The following PTPRO variants were observed in gnomAD, a reference collection of about 807,000 sequenced individuals.
PTPRO encodes receptor-type tyrosine-protein phosphatase O.
A neutral mutation model predicts 145.2 loss-of-function variants in PTPRO; 62 were observed. That is an observed-to-expected ratio of 0.43 (90% CI 0.35 to 0.53). The LOEUF is 0.53. PTPRO is among the 20% of genes least tolerant of loss of function. PTPRO has a pLI of 0.01. For synonymous variants in PTPRO, 565 were observed against 514.7 expected (o/e 1.10, Z -1.32); for missense variants, 1,345 against 1,482.7 (o/e 0.91, Z 1.53).
intron 1 of PTPRO, among the ~76,000 whole-genome samples, chr12:15,354,493 C>T (rs527571759): frequency 4.8e-4 from 73 of 151,970 alleles, no homozygotes; most frequent in Non-Finnish European, 6.0e-4. Context: ...TTTTGAAATC[C>T]ATCTATAGTT....
At chr12:15,546,814 G>C (rs938538721) in intron 13 of PTPRO, 106 bp downstream of exon 13, 1 of 1,474,348 alleles carries the variant, frequency 6.8e-7, no homozygotes, top group African/African-American at 1.4e-5. Flanking sequence ...AATGAAAACT[G>C]TTTATTTGCT....
chr12:15,583,553 T>C (rs1051274866), intron 23 of PTPRO, among the ~76,000 whole-genome samples: 6 of 152,150 alleles, frequency 3.9e-5, no homozygotes, highest in African/African-American at 7.2e-5. Flanking sequence ...ATGTAAATTA[T>C]GTGAAATTCA....
chr12:15,381,340 T>A (rs1414701358), intron 1 of PTPRO, among the ~76,000 whole-genome samples: 1 of 152,206 alleles, frequency 6.6e-6, no homozygotes, highest in Non-Finnish European at 1.5e-5. Context: ...AATAATGGTT[T>A]CTCTCAATGT....
intron 1 of PTPRO, among the ~76,000 whole-genome samples, chr12:15,478,732 C>T (rs1316077552): frequency 6.6e-6 from 1 of 151,962 alleles, no homozygotes; most frequent in Non-Finnish European, 1.5e-5. Context: ...AGTGCAGTGG[C>T]GCGATATCGG....
chr12:15,443,469 C>T (rs1565632476), intron 1 of PTPRO, among the ~76,000 whole-genome samples: 1 of 151,986 alleles, frequency 6.6e-6, no homozygotes, highest in Admixed American at 6.6e-5. Context: ...TTCTCAAAAG[C>T]AATTTTAACA....
chr12:15,490,102 A>G (rs1941969467), intron 2 of PTPRO, among the ~76,000 whole-genome samples: 2 of 152,234 alleles, frequency 1.3e-5, no homozygotes. Flanking sequence ...GAAATTACAT[A>G]ATAGGATTTG....
intron 1 of PTPRO, among the ~76,000 whole-genome samples, chr12:15,482,179 A>G (rs1048456937): frequency 2.7e-5 from 4 of 150,860 alleles, no homozygotes; most frequent in African/African-American, 9.7e-5. Flanking sequence ...ATATATATAT[A>G]TGTGTGTGTG....
chr12:15,565,981 G>A (rs555149308), intron 18 of PTPRO, among the ~76,000 whole-genome samples: 1 of 152,202 alleles, frequency 6.6e-6, no homozygotes, highest in East Asian at 1.9e-4. Context: ...AATCCTTTTA[G>A]TATTTTGAAA....
At chr12:15,582,357 C>A (rs1022646950) in intron 23 of PTPRO, among the ~76,000 whole-genome samples, 5 of 152,236 alleles carry the variant, frequency 3.3e-5, no homozygotes, top group Non-Finnish European at 7.3e-5. Flanking sequence ...CCACCACCAC[C>A]AGGGAAGTGC....
At chr12:15,401,958 T>G (rs1565608834) in intron 1 of PTPRO, among the ~76,000 whole-genome samples, 1 of 152,232 alleles carries the variant, frequency 6.6e-6, no homozygotes, top group Non-Finnish European at 1.5e-5. Context: ...TATTTCAATA[T>G]GAAGTAGAAG....
chr12:15,587,006 G>A lies in PTPRO; in HGVS notation c.3365G>A (p.Arg1122Gln), dbSNP rs140030653. The change falls in exon 24 of 27, where the codon CGA (arginine) becomes CAA (glutamine). Residue 1122 changes from arginine (R) to glutamine (Q), a missense_variant. Arg to Gln is a conservative substitution (Grantham distance 43, BLOSUM62 1). Coordinates refer to ENST00000281171, the MANE Select transcript of PTPRO (RefSeq NM_030667.3). The stretch of plus-strand genomic sequence containing the variant: ...ATCCTGCAGTTTGTACACATGGTCC[G>A]ACAGCAAGCTACCAAGAGCAAAGGT... ...ESILQFVHMV[R>Q]QQATKSKGPM... 1.7e-5 allele frequency: 28 copies of A among 1,613,932 alleles called. No individual in the cohort carries two copies. The highest frequency in any genetic ancestry group is 1.2e-4 in the African/African-American group (9 of 74,904).
At chr12:15,383,830 G>T (rs995492094) in intron 1 of PTPRO, among the ~76,000 whole-genome samples, 1 of 152,128 alleles carries the variant, frequency 6.6e-6, no homozygotes, top group African/African-American at 2.4e-5. Context: ...CTCTGGAAAA[G>T]ACCTAATAAG....
rs181821226 is a variant in PTPRO, at chr12:15,415,231, C to A, written c.76-68743C>A. On this transcript the variant is annotated intron_variant, in intron 1 of 26. Coordinates refer to ENST00000281171, the MANE Select transcript of PTPRO (RefSeq NM_030667.3). ...CCTGGCCCGTCCAGCTACCTCCCCC[C>A]CAAAAAAAGAAGCCCTAAACAGCCT... 1.2e-4 allele frequency among the ~76,000 whole-genome samples: 18 copies of A among 152,176 alleles called. No individual in the cohort carries two copies. In the East Asian group the frequency reaches 1.9e-3, roughly 16 times the overall value.
chr12:15,475,107 C>T (rs763733823), intron 1 of PTPRO, among the ~76,000 whole-genome samples: 4 of 152,204 alleles, frequency 2.6e-5, no homozygotes, highest in Non-Finnish European at 5.9e-5. Context: ...GCCTATGAAG[C>T]ATCACGACAC....
chr12:15,414,527 A>G lies in PTPRO; in HGVS notation c.76-69447A>G, dbSNP rs115518680. On this transcript the variant is annotated intron_variant, in intron 1 of 26. Coordinates refer to ENST00000281171, the MANE Select transcript of PTPRO (RefSeq NM_030667.3). ...CTGTGCATAGAAGTTATTTTATTTT[A>G]TCCTGGTAAATTGAGCACTTCTGTT... is the stretch of plus-strand genomic sequence containing the variant. Among the ~76,000 whole-genome samples, 1,320 of 152,068 alleles carry G rather than the reference A, an allele frequency of 8.7e-3. 23 individuals are homozygous for G. The highest frequency in any genetic ancestry group is 0.03 in the African/African-American group (1,264 of 41,458).
intron 14 of PTPRO, among the ~76,000 whole-genome samples, chr12:15,549,986 A>G (rs1343671556): frequency 6.6e-6 from 1 of 152,090 alleles, no homozygotes; most frequent in Non-Finnish European, 1.5e-5. Context: ...TATACCTGCA[A>G]AGTATTTTAA....
intron 23 of PTPRO, 98 bp from the exon 24 acceptor site, chr12:15,586,799 G>A (rs990294186): frequency 8.0e-6 from 11 of 1,375,764 alleles, no homozygotes; most frequent in South Asian, 3.5e-5. Flanking sequence ...GGAGTGGAAC[G>A]TGGCTCTACC....
At chr12:15,540,237 G>A (rs375280798) in intron 12 of PTPRO, among the ~76,000 whole-genome samples, 3 of 152,112 alleles carry the variant, frequency 2.0e-5, no homozygotes, top group African/African-American at 4.8e-5. Flanking sequence ...TGGCCAAGTC[G>A]AATATACTAT....
chr12:15,477,381 TG>T (rs1418096032), intron 1 of PTPRO, among the ~76,000 whole-genome samples: 1 of 140,868 alleles, frequency 7.1e-6, no homozygotes, highest in African/African-American at 2.6e-5. Flanking sequence ...GGGATAGCAT[TG>T]GGAGATATAC....
Sources: gnomAD v4.1 joint callset for allele counts (sites outside exome capture counted in the v4.1 genomes callset) on GRCh38, gnomAD v4.1.1 for gene constraint, MANE v1.5 for transcripts, NCBI Gene and HGNC (gene_info 2026-07-23, HGNC 2026-07-21) for gene names.